PROSER2: variants seen among roughly 807,000 people sequenced by gnomAD.
PROSER2 encodes proline and serine rich 2.
A neutral mutation model predicts 14.6 loss-of-function variants in PROSER2; 18 were observed. The ratio of observed to expected loss-of-function variants is 1.23; its 90% CI spans 0.85 to 1.83. PROSER2 has a LOEUF of 1.83. Among genes scored for constraint, PROSER2 ranks in the 40% most tolerant of loss-of-function variants. PROSER2 has a pLI of 0.00. For missense variants in PROSER2, 823 were observed against 629.8 expected, an observed-to-expected ratio of 1.31 and a Z score of -3.28; for synonymous variants, 367 against 286.4, an observed-to-expected ratio of 1.28 and a Z score of -2.84.
At chr10:11,854,785 G>T (rs900308766) in intron 2 of PROSER2, among the ~76,000 whole-genome samples, 2 of 152,082 alleles carry the variant, frequency 1.3e-5, no homozygotes, top group Admixed American at 6.5e-5. Flanking sequence ...TTTTCACAGA[G>T]CCGCACTTAG....
intron 1 of PROSER2, among the ~76,000 whole-genome samples, chr10:11,835,245 T>A (rs1833744914): frequency 1.3e-5 from 2 of 152,220 alleles, no homozygotes; most frequent in South Asian, 4.1e-4. Flanking sequence ...CAGCTCCTCT[T>A]ACCTCTGCCT....
chr10:11,840,992 G>T (rs1479883098), intron 1 of PROSER2, among the ~76,000 whole-genome samples: 70 of 81,270 alleles, frequency 8.6e-4, no homozygotes, highest in East Asian at 1.7e-3. Flanking sequence ...ATATATATAT[G>T]ATGGTGGGGG....
chr10:11,838,412 T>C lies in PROSER2; in HGVS notation c.-81-13585T>C, dbSNP rs530608033. ...TACCACGTTTCTACTTATAGAAAGT[T>C]CATGGTAGGCGAAGAACCTGGACTG... On this transcript the variant is annotated intron_variant, in intron 1 of 3. Transcript: ENST00000277570. The surrounding 1 kb of genome is among the most constrained non-coding windows in gnomAD (Gnocchi z 4.4). Among the ~76,000 whole-genome samples, 1 of 152,382 alleles carries C rather than the reference T, an allele frequency of 6.6e-6. No individual in the cohort carries two copies. Among genetic ancestry groups the C allele is most frequent in the East Asian group, 1.9e-4 (1 of 5,194 alleles).
At chr10:11,829,108 T>G (rs77501901) in intron 1 of PROSER2, among the ~76,000 whole-genome samples, 2,446 of 152,154 alleles carry the variant, frequency 0.016, 64 homozygotes, top group East Asian at 0.084. Context: ...CAGATCTTGT[T>G]TCCCGGCTCT....
In PROSER2 at chr10:11,871,063, A is replaced by AGACT. The variant is rs1834480183; in HGVS notation, c.*658_*661dup. On this transcript the variant is annotated 3_prime_UTR_variant, in exon 4 of 4. Coordinates refer to ENST00000277570, the MANE Select transcript of PROSER2 (RefSeq NM_153256.4). ...TAATTTTGAGAAAGCAAGTCTCATCAGACTCTGAGGTCTGGGACGTGTGCG... is the reference window on the plus strand; with the variant it reads ...TAATTTTGAGAAAGCAAGTCTCATCAGACTGACTCTGAGGTCTGGGACGTGTGCG... The AGACT allele has an allele frequency of 6.6e-6, 1 of 152,200 alleles. No individual in the cohort carries two copies. The highest frequency in any genetic ancestry group is 2.4e-5 in the African/African-American group (1 of 41,446). The allele number at this position is 152,200 out of a possible 1,614,324, so 9.4% of individuals were successfully genotyped here. A position where few individuals can be genotyped will look rare whatever the true frequency, so the allele number is the denominator to read the frequency against.
intron 2 of PROSER2, among the ~76,000 whole-genome samples, chr10:11,863,260 G>A (rs963857144): frequency 6.6e-6 from 1 of 152,192 alleles, no homozygotes; most frequent in African/African-American, 2.4e-5. Flanking sequence ...CACAGGCTCT[G>A]TATGGGCCTG....
intron 1 of PROSER2, among the ~76,000 whole-genome samples, chr10:11,840,944 AAAAAAAAAAAAATATATATATATATATAT>A (rs1833832033): frequency 1.9e-5 from 1 of 53,164 alleles, no homozygotes; most frequent in African/African-American, 1.0e-4. Context: ...AAAAAAAAAA[AAAAAAAAAAAAATATATATATATATATAT>A]ATATATATAT....
intron 1 of PROSER2, among the ~76,000 whole-genome samples, chr10:11,842,765 T>C (rs1312864657): frequency 1.3e-5 from 2 of 152,002 alleles, no homozygotes; most frequent in Admixed American, 1.3e-4. Flanking sequence ...ACAGACTTTT[T>C]TTAATCTGAG....
intron 1 of PROSER2, among the ~76,000 whole-genome samples, chr10:11,832,219 C>G (rs1214258842): frequency 1.3e-5 from 2 of 152,114 alleles, no homozygotes; most frequent in African/African-American, 4.8e-5. Flanking sequence ...ACAAAACTGC[C>G]CACACTCCCA....
intron 1 of PROSER2, among the ~76,000 whole-genome samples, chr10:11,834,205 G>A (rs1199289218): frequency 6.6e-6 from 1 of 150,838 alleles, no homozygotes; most frequent in African/African-American, 2.4e-5. Context: ...ATGTTAGCCA[G>A]AATGATCTCG....
chr10:11,833,851 G>T (rs553998980), intron 1 of PROSER2, among the ~76,000 whole-genome samples: 4 of 152,240 alleles, frequency 2.6e-5, no homozygotes, highest in Admixed American at 2.6e-4. Context: ...ATGAGAGTCC[G>T]GCGGGGAGGC....
chr10:11,869,843 A>G lies in PROSER2; in HGVS notation c.745A>G (p.Lys249Glu). Residue 249 changes from lysine (K) to glutamate (E), a missense_variant, in exon 4 of 4, where the codon AAG (lysine) becomes GAG (glutamate). Transcript: ENST00000277570. This position sits in a 1 kb window ranked among gnomAD's most constrained non-coding sequence, Gnocchi z 4.4. ...GGGGCCCAGCCACCCGGCGCAGCCC[A>G]AGGCACCCCGCTTCCCCAGCAACAT... ...GPGPSHPAQP[K>E]APRFPSNIIV... 6.3e-7 allele frequency: 1 copy of G among 1,585,262 alleles called. No individual in the cohort carries two copies. The highest frequency in any genetic ancestry group is 1.8e-5 in the Admixed American group (1 of 56,170).
At chr10:11,841,200 C>T (rs182088311) in intron 1 of PROSER2, among the ~76,000 whole-genome samples, 19 of 151,516 alleles carry the variant, frequency 1.3e-4, no homozygotes, top group African/African-American at 4.6e-4. Context: ...ACGAGATATT[C>T]TTCCAGGAAT....
intron 2 of PROSER2, chr10:11,857,149 T>C (rs1229951398): frequency 3.9e-5 from 6 of 152,118 alleles, no homozygotes; most frequent in African/African-American, 1.2e-4. Context: ...GAGGCAGCCA[T>C]GGAGGACCCA....
intron 1 of PROSER2, among the ~76,000 whole-genome samples, chr10:11,835,471 C>CT (rs1833747549): frequency 6.6e-6 from 1 of 152,054 alleles, no homozygotes; most frequent in African/African-American, 2.4e-5. Flanking sequence ...TTAATTTAGT[C>CT]TAAGGGATTG....
intron 2 of PROSER2, among the ~76,000 whole-genome samples, chr10:11,864,159 T>C (rs1834298630): frequency 6.6e-6 from 1 of 152,206 alleles, no homozygotes; most frequent in South Asian, 2.1e-4. Flanking sequence ...ACACCTTTAT[T>C]CTTCCGTAGT....
intron 2 of PROSER2, among the ~76,000 whole-genome samples, chr10:11,861,174 C>T (rs1468681185): frequency 6.6e-6 from 1 of 152,196 alleles, no homozygotes; most frequent in African/African-American, 2.4e-5. Flanking sequence ...TTCCAAAATG[C>T]TGTGTGGATG....
At chr10:11,842,608 C>A (rs954492250) in intron 1 of PROSER2, among the ~76,000 whole-genome samples, 2 of 152,134 alleles carry the variant, frequency 1.3e-5, no homozygotes, top group Non-Finnish European at 2.9e-5. Context: ...GTTTGATATA[C>A]TGTTTGTTTA....
At chr10:11,857,322 A>G (rs11813352) in intron 2 of PROSER2, 4 of 152,188 alleles carry the variant, frequency 2.6e-5, no homozygotes, top group African/African-American at 9.7e-5. Flanking sequence ...TGAAGCCATT[A>G]TTCTTTGGTT....
Sources: allele counts gnomAD v4.1 joint callset (sites outside exome capture counted in the v4.1 genomes callset), GRCh38; gene constraint gnomAD v4.1.1; non-coding constraint Gnocchi (gnomAD v3.1); transcripts MANE v1.5; gene names NCBI Gene and HGNC (gene_info 2026-07-23, HGNC 2026-07-21).